Variants in TLDC2 observed in about 807,000 individuals in gnomAD.
TLDC2 encodes TBC/LysM-associated domain containing 2, also known as TLD domain-containing protein 2.
TLDC2 carries 23 observed loss-of-function variants against 27.9 expected under a neutral mutation model. That is an observed-to-expected ratio of 0.82 (90% CI 0.59 to 1.17). TLDC2 has a LOEUF of 1.17. Among genes scored for constraint, TLDC2 ranks in the 50% most tolerant of loss-of-function variants. TLDC2 has a pLI of 0.00. For synonymous variants in TLDC2, 124 were observed against 107.4 expected (o/e 1.16, Z -0.96); for missense variants, 286 against 273.4 (o/e 1.05, Z -0.32).
Position 36,880,085 on chromosome 20 carries a change from A to ATATG in TLDC2, c.343-567_343-566insGTAT, listed in dbSNP as rs1274393954. Among the ~76,000 whole-genome samples, 3 of 45,254 alleles carry ATATG rather than the reference A, an allele frequency of 6.6e-5. 1 individual carries two copies. The highest frequency in any genetic ancestry group is 1.1e-4 in the African/African-American group (2 of 18,852). The allele number at this position is 45,254 out of a possible 152,430, so 29.7% of individuals were successfully genotyped here. A position where few individuals can be genotyped will look rare whatever the true frequency, so the allele number is the denominator to read the frequency against. On this transcript the variant is annotated intron_variant, in intron 3 of 6. Transcript: ENST00000217320. ...TATATATATACATATATATATATATATATATATATATATATACTTTTTTTT... is the reference window on the plus strand; with the variant it reads ...TATATATATACATATATATATATATATATGTATATATATATATATACTTTTTTTT...
Position 36,878,066 on chromosome 20 carries a change from G to A in TLDC2, c.189+12G>A, listed in dbSNP as rs1568746936. Reference sequence around the variant, plus strand: ...CAGAGATTCGGCAGGTCTGGGCATTGCCCATGGCACAAGAATTTCAGCCCT... The same window carrying A: ...CAGAGATTCGGCAGGTCTGGGCATTACCCATGGCACAAGAATTTCAGCCCT... On this transcript the variant is annotated intron_variant, in intron 2 of 6. Transcript: ENST00000217320. 1.9e-6 allele frequency: 3 copies of A among 1,606,212 alleles called. No individual in the cohort carries two copies. The highest frequency in any genetic ancestry group is 2.6e-6 in the Non-Finnish European group (3 of 1,176,370).
chr20:36,885,157 G>A (rs373010742), intron 4 of TLDC2, among the ~76,000 whole-genome samples: 1 of 152,146 alleles, frequency 6.6e-6, no homozygotes, highest in Non-Finnish European at 1.5e-5. Flanking sequence ...GATTACAGGC[G>A]TGAGCCACCG....
At position 36,880,077 on chromosome 20, in the gene TLDC2, A is replaced by ATATATATATATATGTG. The variant is rs1555828538; in HGVS notation, c.343-565_343-564insGTGTATATATATATAT. On this transcript the variant is annotated intron_variant, in intron 3 of 6. Transcript: ENST00000217320. The stretch of plus-strand genomic sequence containing the variant: ...GTGTAGAATATATATATACATATAT[A>ATATATATATATATGTG]TATATATATATATATATATATATAC... 5.6e-3 allele frequency among the ~76,000 whole-genome samples: 225 copies of ATATATATATATATGTG among 40,484 alleles called. 5 individuals are homozygous for ATATATATATATATGTG. Among genetic ancestry groups the ATATATATATATATGTG allele is most frequent in the African/African-American group, 0.013 (223 of 16,870 alleles). The allele number at this position is 40,484 out of a possible 152,430, so 26.6% of individuals were successfully genotyped here.
intron 4 of TLDC2, among the ~76,000 whole-genome samples, chr20:36,882,286 T>C (rs1291128): frequency 0.47 from 71,567 of 152,078 alleles, 18,591 homozygotes; most frequent in South Asian, 0.65. Context: ...TTCATGCCTA[T>C]AATCCCAGCA....
rs183989294 is a variant in TLDC2 at position 36,893,692 on chromosome 20, G to C, written c.*848G>C. ...ATGCTAAACTGTTCTGAACTTGTGG[G>C]TAGATCTTCTTTGGTTACAAGATGA... On this transcript the variant is annotated 3_prime_UTR_variant, in exon 7 of 7. Transcript: ENST00000217320. The C allele has an allele frequency of 2.6e-6, 1 of 390,458 alleles. No homozygotes were observed. Among genetic ancestry groups the C allele is most frequent in the Non-Finnish European group, 4.5e-6 (1 of 221,650 alleles). The allele number at this position is 390,458 out of a possible 1,614,324, so 24.2% of individuals were successfully genotyped here.
intron 6 of TLDC2, chr20:36,889,628 C>T: frequency 2.5e-6 from 1 of 398,950 alleles, no homozygotes; most frequent in South Asian, 5.9e-5. Flanking sequence ...GCACAGAGAC[C>T]CTAAGCTAAC....
At position 36,889,335 on chromosome 20, in the gene TLDC2, C is replaced by T; in HGVS notation, c.597C>T (p.Ala199=). Residue 199 remains alanine (A), a synonymous_variant, in exon 6 of 7, where the codon GCC becomes GCT. Coordinates refer to ENST00000217320, the MANE Select transcript of TLDC2 (RefSeq NM_080628.3). ...CGACCTTCAACAACGAGGTGCTGGC[C>T]CGGCAGGAGCAGTTCTGCATCCAGG... is the stretch of plus-strand genomic sequence containing the variant. ...PCPTFNNEVL[A]RQEQFCIQEL... 6.2e-7 allele frequency: 1 copy of T among 1,614,186 alleles called. No individual in the cohort carries two copies. Among genetic ancestry groups the T allele is most frequent in the South Asian group, 1.1e-5 (1 of 91,074 alleles).
chr20:36,878,678 A>G (rs1989730298), intron 2 of TLDC2, among the ~76,000 whole-genome samples: 1 of 152,004 alleles, frequency 6.6e-6, no homozygotes, highest in Non-Finnish European at 1.5e-5. Flanking sequence ...ACGGAGGATC[A>G]GGAGGAGGGT....
chr20:36,881,339 C>T (rs1489089158), intron 4 of TLDC2, among the ~76,000 whole-genome samples: 1 of 151,296 alleles, frequency 6.6e-6, no homozygotes, highest in African/African-American at 2.4e-5. Context: ...ATGATCGCAC[C>T]ACTGCATTCC....
Position 36,880,071 on chromosome 20 carries a change from A to ATATATATATATATG in TLDC2, c.343-571_343-570insGTATATATATATAT, listed in dbSNP as rs1555828521. On this transcript the variant is annotated intron_variant, in intron 3 of 6. Transcript: ENST00000217320. ...TTACTTGTGTAGAATATATATATAC[A>ATATATATATATATG]TATATATATATATATATATATATAT... 3.1e-4 allele frequency among the ~76,000 whole-genome samples: 10 copies of ATATATATATATATG among 32,402 alleles called. 1 individual carries two copies. The highest frequency in any genetic ancestry group is 1.6e-3 in the African/African-American group (9 of 5,802). The allele number at this position is 32,402 out of a possible 152,430, so 21.3% of individuals were successfully genotyped here.
At chr20:36,879,581 C>T (rs563299733) in intron 3 of TLDC2, among the ~76,000 whole-genome samples, 35 of 152,200 alleles carry the variant, frequency 2.3e-4, no homozygotes, top group Non-Finnish European at 4.7e-4. Flanking sequence ...TGGCTCACAC[C>T]TGTAATCCTA....
chr20:36,878,154 C>G, intron 2 of TLDC2, 100 bp downstream of exon 2: 5 of 1,342,852 alleles, frequency 3.7e-6, no homozygotes, highest in South Asian at 1.5e-5. Flanking sequence ...TAGAGTCACT[C>G]TTGCTCTGTT....
At chr20:36,880,075 A>ATATATATGTATATATATATGTGTGTGTG (rs1568748415) in intron 3 of TLDC2, among the ~76,000 whole-genome samples, 1 of 39,990 alleles carries the variant, frequency 2.5e-5, no homozygotes, top group African/African-American at 6.1e-5. Flanking sequence ...ATATACATAT[A>ATATATATGTATATATATATGTGTGTGTG]TATATATATA....
Position 36,892,849 on chromosome 20 carries a change from CATT to C in TLDC2, c.*18-11_*18-9del, listed in dbSNP as rs1312674718. ...AATACAAAATTAAAGCATGAGTTGTCATTAATTTGCAGAATTCTATGATTGAAG... is the reference window on the plus strand; with the variant it reads ...AATACAAAATTAAAGCATGAGTTGTCAATTTGCAGAATTCTATGATTGAAG... On this transcript the variant is annotated splice_polypyrimidine_tract_variant and intron_variant, in intron 6 of 6. Coordinates refer to ENST00000217320, the MANE Select transcript of TLDC2 (RefSeq NM_080628.3). 1.3e-6 allele frequency: 2 copies of C among 1,546,070 alleles called. No individual in the cohort carries two copies. The highest frequency in any genetic ancestry group is 3.3e-5 in the Admixed American group (2 of 59,904).
Position 36,880,751 on chromosome 20 carries a change from G to A in TLDC2, c.438+1G>A. The A allele has an allele frequency of 6.2e-7, 1 of 1,614,014 alleles. No individual in the cohort carries two copies. Among genetic ancestry groups the A allele is most frequent in the Non-Finnish European group, 8.5e-7 (1 of 1,179,858 alleles). On this transcript the variant is annotated splice_donor_variant, in intron 4 of 6. Transcript: ENST00000217320. LOFTEE classifies it high-confidence loss of function. ...CTTCTCCTTCTCCCCACAGCTGAAG[G>A]TGATGTTCCCAACCTTCCATGGGGG... is the stretch of plus-strand genomic sequence containing the variant.
chr20:36,879,059 C>G lies in TLDC2; in HGVS notation c.208C>G (p.Pro70Ala), dbSNP rs373247558. Residue 70 changes from proline (P) to alanine (A), a missense_variant, in exon 3 of 7, where the codon CCA (proline) becomes GCA (alanine). Physicochemically the swap from Pro to Ala is conservative, Grantham distance 27 (BLOSUM62 -1). Coordinates refer to ENST00000217320, the MANE Select transcript of TLDC2 (RefSeq NM_080628.3). Reference protein sequence around the residue: ...EIRQLSFHFPPRVTGHPWSLV... With the variant: ...EIRQLSFHFPARVTGHPWSLV... ...TCCCCAGCTCAGCTTTCACTTCCCA[C>G]CAAGAGTCACCGGCCATCCCTGGAG... 1.9e-6 allele frequency: 3 copies of G among 1,614,228 alleles called. No homozygotes were observed. The highest frequency in any genetic ancestry group is 2.5e-6 in the Non-Finnish European group (3 of 1,180,044).
chr20:36,889,245 C>T lies in TLDC2; in HGVS notation c.513-6C>T. ...AGCCGCACCAAGACTGTCCTCTTCT[C>T]TCTAGTGGCCGGTTTGGGCTGTGGT... On this transcript the variant is annotated splice_region_variant and splice_polypyrimidine_tract_variant and intron_variant, in intron 5 of 6. Transcript: ENST00000217320. The T allele has an allele frequency of 6.2e-7, 1 of 1,614,050 alleles. No individual in the cohort carries two copies. The highest frequency in any genetic ancestry group is 1.1e-5 in the South Asian group (1 of 91,062).
At chr20:36,892,423 T>C (rs2148351680) in intron 6 of TLDC2, 1 of 191,686 alleles carries the variant, frequency 5.2e-6, no homozygotes, top group East Asian at 1.4e-4. Flanking sequence ...TCAATGACAA[T>C]GTCAATTTCT....
At chr20:36,881,857 G>A (rs528681529) in intron 4 of TLDC2, among the ~76,000 whole-genome samples, 77 of 152,324 alleles carry the variant, frequency 5.1e-4, no homozygotes, top group Admixed American at 2.7e-3. Context: ...GGATACAGTG[G>A]ACAGAGAGAG....
Sources: gnomAD v4.1 joint callset for allele counts (sites outside exome capture counted in the v4.1 genomes callset) on GRCh38, gnomAD v4.1.1 for gene constraint, MANE v1.5 for transcripts, NCBI Gene and HGNC (gene_info 2026-07-23, HGNC 2026-07-21) for gene names.